The following SLC19A1 variants were observed in gnomAD, a reference collection of about 807,000 sequenced individuals.
SLC19A1 encodes solute carrier family 19 member 1, also known as reduced folate transporter.
In SLC19A1, 37 loss-of-function variants were observed where a neutral mutation model predicts 35.3. The observed-to-expected ratio is 1.05, with a 90% CI of 0.81 to 1.38. The LOEUF (loss-of-function observed/expected upper bound fraction) is 1.38. Among genes scored for constraint, SLC19A1 ranks in the 40% most tolerant of loss-of-function variants. SLC19A1 has a pLI of 0.00. For missense variants in SLC19A1, 831 were observed against 826.9 expected, an observed-to-expected ratio of 1.00 and a Z score of -0.06; for synonymous variants, 460 against 398.5, an observed-to-expected ratio of 1.15 and a Z score of -1.84.
intron 3 of SLC19A1, among the ~76,000 whole-genome samples, chr21:45,503,665 TTG>T: frequency 6.8e-6 from 1 of 146,008 alleles, no homozygotes; most frequent in South Asian, 2.3e-4. Flanking sequence ...AGGGATAGCA[TTG>T]GGAGATATAC....
chr21:45,509,334 G>GC (rs1489360591), downstream of SLC19A1: 17 of 1,542,276 alleles, frequency 1.1e-5, no homozygotes, highest in South Asian at 1.9e-4. Flanking sequence ...CCGCCGACAG[G>GC]CCCCACGTCT....
chr21:45,515,955 G>A lies in SLC19A1; in HGVS notation c.1479C>T (p.Gly493=). The change falls in exon 6 of 6, where the codon GGC becomes GGT. Residue 493 remains glycine (G), a synonymous_variant. Transcript: ENST00000311124. Reference sequence around the variant, plus strand: ...GCGGCGGGCTCTGGGCTGGCTGCAGGCCTCCGAGGCCCTTGTCCTGCACGC... The same window carrying A: ...GCGGCGGGCTCTGGGCTGGCTGCAGACCTCCGAGGCCCTTGTCCTGCACGC... ...ALSVQDKGLG[G]LQPAQSPPLS... is the part of the protein sequence containing the mutation. The A allele has an allele frequency of 6.5e-7, 1 of 1,537,410 alleles. No individual in the cohort carries two copies. The highest frequency in any genetic ancestry group is 8.8e-7 in the Non-Finnish European group (1 of 1,141,398).
chr21:45,546,943 C>T (rs1363398832), upstream of SLC19A1, among the ~76,000 whole-genome samples: 1 of 152,154 alleles, frequency 6.6e-6, no homozygotes, highest in African/African-American at 2.4e-5. Context: ...GGGAAGGAAG[C>T]GGCAGAGTCT....
intron 1 of SLC19A1, among the ~76,000 whole-genome samples, chr21:45,551,505 T>C (rs1421586355): frequency 6.6e-6 from 1 of 152,182 alleles, no homozygotes; most frequent in African/African-American, 2.4e-5. Context: ...AGCCTCTACG[T>C]AGGACGTGAT....
chr21:45,538,672 T>G (rs3788203), intron 1 of SLC19A1, among the ~76,000 whole-genome samples: 81,503 of 151,948 alleles, frequency 0.54, 22,096 homozygotes, highest in South Asian at 0.61. Flanking sequence ...GCAGCCAGGG[T>G]TGAAACACGC....
At chr21:45,543,525 CTG>C (rs2078373678), upstream of SLC19A1, among the ~76,000 whole-genome samples, 2 of 152,198 alleles carry the variant, frequency 1.3e-5, no homozygotes, top group African/African-American at 4.8e-5. Flanking sequence ...GACCTGCCTC[CTG>C]GTGTTGCGGG....
downstream of SLC19A1, among the ~76,000 whole-genome samples, chr21:45,508,459 GTGGA>G (rs989731002): frequency 1.5e-4 from 23 of 150,130 alleles, no homozygotes; most frequent in Non-Finnish European, 2.8e-4. Context: ...GAGTGGATGG[GTGGA>G]TGGACAGGTG....
At position 45,533,831 on chromosome 21, in the gene SLC19A1, A is replaced by C. The variant is rs1168090975; in HGVS notation, c.190-1683T>G. Among the ~76,000 whole-genome samples, 1 of 152,104 alleles carries C rather than the reference A, an allele frequency of 6.6e-6. No homozygotes were observed. Among genetic ancestry groups the C allele is most frequent in the East Asian group, 1.9e-4 (1 of 5,174 alleles). On this transcript the variant is annotated intron_variant, in intron 2 of 5. Transcript: ENST00000311124. The surrounding 1 kb of genome is among the most constrained non-coding windows in gnomAD (Gnocchi z 4.5). ...GGGCTCTCAGCCTCGTGTCTGGCACACCCAAGATGTGTGGCCCGATGTGCT... is the reference window on the plus strand; with the variant it reads ...GGGCTCTCAGCCTCGTGTCTGGCACCCCCAAGATGTGTGGCCCGATGTGCT...
At position 45,540,607 on chromosome 21, in the gene SLC19A1, G is replaced by A. The variant is rs944443358; in HGVS notation, c.-50+1761C>T. Among the ~76,000 whole-genome samples the A allele has an allele frequency of 2.0e-5, 3 of 152,132 alleles. No homozygotes were observed. Among genetic ancestry groups the A allele is most frequent in the Admixed American group, 6.5e-5 (1 of 15,286 alleles). On this transcript the variant is annotated intron_variant, in intron 1 of 5. Transcript: ENST00000311124. This position sits in a 1 kb window ranked among gnomAD's most constrained non-coding sequence, Gnocchi z 5.5. ...CCACTGACAGAGGCTTGGCCATCAC[G>A]GCCCAGACCACCTCCAAGAGGAAAG...
At chr21:45,559,884 G>T (rs1031758711) in intron 1 of SLC19A1, among the ~76,000 whole-genome samples, 2 of 151,862 alleles carry the variant, frequency 1.3e-5, no homozygotes, top group South Asian at 2.1e-4. Flanking sequence ...CATTTCTGAT[G>T]ATGATGGGGG....
downstream of SLC19A1, among the ~76,000 whole-genome samples, chr21:45,508,534 A>C (rs2037387899): frequency 6.6e-6 from 1 of 151,244 alleles, no homozygotes. Context: ...GGGTGGGTGG[A>C]TGGATGGGTA....
intron 1 of SLC19A1, among the ~76,000 whole-genome samples, chr21:45,558,713 A>G (rs1425173174): frequency 6.6e-6 from 1 of 152,172 alleles, no homozygotes; most frequent in Non-Finnish European, 1.5e-5. Flanking sequence ...AGGACAGAGT[A>G]CGGCCACCTG....
intron 5 of SLC19A1, 124 bp from the exon 6 acceptor site, chr21:45,516,264 C>T (rs1252018835): frequency 5.4e-6 from 4 of 742,508 alleles, no homozygotes; most frequent in East Asian, 2.7e-5. Flanking sequence ...GAACACTGCA[C>T]AGCGGTCAGA....
intron 5 of SLC19A1, 29 bp from the exon 6 acceptor site, chr21:45,516,169 G>A: frequency 6.4e-7 from 1 of 1,572,552 alleles, no homozygotes; most frequent in Admixed American, 1.7e-5. Flanking sequence ...TGAGGCGGGT[G>A]GGGAGGGCCT....
chr21:45,540,268 C>T lies in SLC19A1; in HGVS notation c.-50+2100G>A, dbSNP rs369742975. On this transcript the variant is annotated intron_variant, in intron 1 of 5. Coordinates refer to ENST00000311124, the MANE Select transcript of SLC19A1 (RefSeq NM_194255.4). The surrounding 1 kb of genome is among the most constrained non-coding windows in gnomAD (Gnocchi z 5.5). Reference sequence around the variant, plus strand: ...CCACCTGTCAGCAGGTTTAGACAGGCGCACCGATCCCCAGACAACCAGAGC... The same window carrying T: ...CCACCTGTCAGCAGGTTTAGACAGGTGCACCGATCCCCAGACAACCAGAGC... 2.6e-5 allele frequency among the ~76,000 whole-genome samples: 4 copies of T among 152,170 alleles called. No homozygotes were observed. Among genetic ancestry groups the T allele is most frequent in the Non-Finnish European group, 4.4e-5 (3 of 68,030 alleles).
intron 5 of SLC19A1, among the ~76,000 whole-genome samples, chr21:45,519,570 C>CAAAAA (rs57639933): frequency 0.011 from 637 of 56,582 alleles, no homozygotes; most frequent in Middle Eastern, 0.03. Flanking sequence ...AACTTCTGAG[C>CAAAAA]AAAAAAAAAA....
upstream of SLC19A1, among the ~76,000 whole-genome samples, chr21:45,548,509 C>T (rs1357332347): frequency 2.6e-5 from 4 of 152,112 alleles, no homozygotes; most frequent in Non-Finnish European, 4.4e-5. Flanking sequence ...TTTGGGAGGC[C>T]GAGGCAGGTT....
intron 1 of SLC19A1, among the ~76,000 whole-genome samples, chr21:45,559,109 A>G (rs951378846): frequency 6.6e-6 from 1 of 152,094 alleles, no homozygotes; most frequent in Non-Finnish European, 1.5e-5. Context: ...GCCTGGCCTA[A>G]ATTGAATTTT....
chr21:45,549,604 G>C (rs980175786), intron 1 of SLC19A1, among the ~76,000 whole-genome samples: 3 of 138,910 alleles, frequency 2.2e-5, no homozygotes, highest in Non-Finnish European at 4.6e-5. Context: ...CCTCAGCCTC[G>C]GGAGAAAAGG....
Sources: gnomAD v4.1 joint callset for allele counts (sites outside exome capture counted in the v4.1 genomes callset) on GRCh38, gnomAD v4.1.1 for gene constraint, Gnocchi (gnomAD v3.1) non-coding constraint, MANE v1.5 for transcripts, NCBI Gene and HGNC (gene_info 2026-07-23, HGNC 2026-07-21) for gene names.